KCNH2: variants seen among roughly 807,000 people sequenced by gnomAD.
The protein encoded by KCNH2 is voltage-gated inwardly rectifying potassium channel KCNH2.
Under a neutral mutation model 95.9 loss-of-function variants are expected in KCNH2, and 35 were observed. That is an observed-to-expected ratio of 0.37 (90% confidence interval 0.28 to 0.48). The LOEUF (loss-of-function observed/expected upper bound fraction) is 0.48. Ranked by LOEUF, KCNH2 falls within the 20% of genes least tolerant of loss-of-function variation. The probability of loss-of-function intolerance (pLI) is 0.99; values close to 1 mark genes in which losing one functional copy is unlikely to be tolerated. For missense variants in KCNH2, 1,274 were observed against 1,702.9 expected (o/e 0.75, Z 4.43); for synonymous variants, 786 against 754.7 (o/e 1.04, Z -0.68).
chr7:150,974,594 C>T (rs936681300), intron 2 of KCNH2, 117 bp downstream of exon 2: 5 of 875,658 alleles, frequency 5.7e-6, no homozygotes, highest in African/African-American at 1.7e-5. Flanking sequence ...TGCCCGGGCT[C>T]GGGGCGTTCT....
intron 2 of KCNH2, among the ~76,000 whole-genome samples, chr7:150,960,160 C>T (rs1214740923): frequency 1.3e-5 from 2 of 152,094 alleles, no homozygotes; most frequent in African/African-American, 4.8e-5. Flanking sequence ...TTTAGGCCTA[C>T]GATCTCTGGG....
At chr7:150,948,314 G>C (rs1800994602) in intron 11 of KCNH2, 130 bp downstream of exon 11, 1 of 759,456 alleles carries the variant, frequency 1.3e-6, no homozygotes. Context: ...CTGGGGTGTG[G>C]AGTGGGCACA....
intron 2 of KCNH2, among the ~76,000 whole-genome samples, chr7:150,969,506 T>C (rs1801785255): frequency 6.6e-6 from 1 of 152,040 alleles, no homozygotes; most frequent in Non-Finnish European, 1.5e-5. Flanking sequence ...CCCCACAATG[T>C]CCACGCAAAG....
At chr7:150,967,227 C>T (rs991714743) in intron 2 of KCNH2, among the ~76,000 whole-genome samples, 4 of 151,960 alleles carry the variant, frequency 2.6e-5, no homozygotes, top group African/African-American at 4.8e-5. Flanking sequence ...TGCAGTGAGC[C>T]GAGATCATGC....
chr7:150,948,033 C>G (rs1800985347), intron 11 of KCNH2, among the ~76,000 whole-genome samples, 155 bp from the exon 12 acceptor site: 2 of 152,212 alleles, frequency 1.3e-5, no homozygotes, highest in Non-Finnish European at 2.9e-5. Context: ...CACCCACTGT[C>G]AAGCCGACCA....
chr7:150,947,216 G>A lies in KCNH2; in HGVS notation c.3152+112C>T, dbSNP rs1303184785. The A allele has an allele frequency of 2.6e-6, 3 of 1,151,184 alleles. No individual in the cohort carries two copies. In the African/African-American group the frequency reaches 4.6e-5, roughly 18 times the overall value. 71.3% of individuals were successfully genotyped at this position (1,151,184 alleles called of 1,614,324 possible). A position where few individuals can be genotyped will look rare whatever the true frequency, so the allele number is the denominator to read the frequency against. Reference sequence around the variant, plus strand: ...CCAGCTGGGCTAGGAATGGAAGAAGGGGATCCAGCTGCTGCACACACAGAC... The same window carrying A: ...CCAGCTGGGCTAGGAATGGAAGAAGAGGATCCAGCTGCTGCACACACAGAC... On this transcript the variant is annotated intron_variant, in intron 13 of 14. Coordinates refer to ENST00000262186, the MANE Select transcript of KCNH2 (RefSeq NM_000238.4).
chr7:150,949,116 T>C (rs1801037520), intron 9 of KCNH2, 67 bp from the exon 10 acceptor site: 3 of 1,427,792 alleles, frequency 2.1e-6, no homozygotes, highest in Non-Finnish European at 2.9e-6. Context: ...AGGCACCTTC[T>C]CCCGGCATCC....
At chr7:150,955,546 G>A (rs1159257332) in intron 5 of KCNH2, 2 of 1,518,098 alleles carry the variant, frequency 1.3e-6, no homozygotes, top group South Asian at 1.2e-5. Flanking sequence ...TGGGGCCTGA[G>A]GGCCCGGCCA....
chr7:150,949,028 T>TC lies in KCNH2; in HGVS notation c.2419dup (p.Glu807GlyfsTer23). On this transcript the variant is annotated frameshift_variant, in exon 10 of 15. Transcript: ENST00000262186. LOFTEE classifies it high-confidence loss of function. Reference sequence around the variant, plus strand: ...AGGCCTTGCATACAGGTTCAGAGGCTCCCCAAAGATGTCATTCTTCCCTGG... The same window carrying TC: ...AGGCCTTGCATACAGGTTCAGAGGCTCCCCCAAAGATGTCATTCTTCCCTGG... The TC allele has an allele frequency of 6.2e-7, 1 of 1,614,072 alleles. No individual in the cohort carries two copies. Among genetic ancestry groups the TC allele is most frequent in the Non-Finnish European group, 8.5e-7 (1 of 1,179,996 alleles).
chr7:150,977,950 A>G lies in KCNH2; in HGVS notation c.-37T>C. The G allele has an allele frequency of 7.2e-6, 10 of 1,388,574 alleles. No individual in the cohort carries two copies. The South Asian group carries it at 1.3e-4, about 18-fold the overall frequency. 86.0% of individuals were successfully genotyped at this position (1,388,574 alleles called of 1,614,324 possible). Reference sequence around the variant, plus strand: ...GGGCGGGCCGGGCGGGCCCCCACCCACCCCGGCCCGGCCCGGCCCAGCACT... The same window carrying G: ...GGGCGGGCCGGGCGGGCCCCCACCCGCCCCGGCCCGGCCCGGCCCAGCACT... On this transcript the variant is annotated 5_prime_UTR_variant, in exon 1 of 15. Coordinates refer to ENST00000262186, the MANE Select transcript of KCNH2 (RefSeq NM_000238.4).
At position 150,958,202 on chromosome 7, in the gene KCNH2, G is replaced by T; in HGVS notation, c.773C>A (p.Pro258His). Reference protein sequence around the residue: ...LPSPRAHSLNPDASGSSCSLA... With the variant: ...LPSPRAHSLNHDASGSSCSLA... ...GCTGCAGCTGGAGCCCGAGGCGTCGGGGTTGAGGCTGTGCGCCCGGGGCGA... is the reference window on the plus strand; with the variant it reads ...GCTGCAGCTGGAGCCCGAGGCGTCGTGGTTGAGGCTGTGCGCCCGGGGCGA... Residue 258 changes from proline (P) to histidine (H), a missense_variant, in exon 4 of 15, where the codon CCC becomes CAC. Pro to His is a moderately conservative substitution (Grantham distance 77, BLOSUM62 -2). Coordinates refer to ENST00000262186, the MANE Select transcript of KCNH2 (RefSeq NM_000238.4). The T allele has an allele frequency of 7.3e-7, 1 of 1,369,260 alleles. No individual in the cohort carries two copies. The allele number at this position is 1,369,260 out of a possible 1,614,324, so 84.8% of individuals were successfully genotyped here.
In KCNH2 at chr7:150,957,389, T is replaced by C; in HGVS notation, c.1030A>G (p.Lys344Glu). The change falls in exon 5 of 15, where the codon AAG becomes GAG. Residue 344 changes from lysine (K) to glutamate (E), a missense_variant. This residue lies in a region of KCNH2 where 392 missense variants were observed against 429.9 expected (regional missense o/e 0.91). Transcript: ENST00000262186. Reference sequence around the variant, plus strand: ...GGCGAAGCCAAGAAGGGGTCGCCCTTGAGGTCCACAAAGTTGAGGGTGATT... The same window carrying C: ...GGCGAAGCCAAGAAGGGGTCGCCCTCGAGGTCCACAAAGTTGAGGGTGATT... ...PQITLNFVDL[K>E]GDPFLASPTS... 6.2e-7 allele frequency: 1 copy of C among 1,614,088 alleles called. No individual in the cohort carries two copies.
chr7:150,974,658 C>T, intron 2 of KCNH2, 53 bp downstream of exon 2: 2 of 1,354,626 alleles, frequency 1.5e-6, no homozygotes. Flanking sequence ...CGCCGTGGTC[C>T]CGCCCCTCTT....
At chr7:150,971,093 T>C (rs1338009590) in intron 2 of KCNH2, among the ~76,000 whole-genome samples, 4 of 151,980 alleles carry the variant, frequency 2.6e-5, no homozygotes, top group Non-Finnish European at 4.4e-5. Flanking sequence ...TTTAAAGGAA[T>C]GGGCACAGGA....
At chr7:150,953,606 C>T (rs1801266339) in intron 5 of KCNH2, among the ~76,000 whole-genome samples, 1 of 152,212 alleles carries the variant, frequency 6.6e-6, no homozygotes, top group South Asian at 2.1e-4. Context: ...CACACTCTGC[C>T]TCCTCCACAG....
At chr7:150,949,090 G>A in intron 9 of KCNH2, 41 bp from the exon 10 acceptor site, 7 of 1,573,006 alleles carry the variant, frequency 4.5e-6, no homozygotes, top group Non-Finnish European at 6.1e-6. Context: ...GCCCCGGGGG[G>A]CGGCATCCAG....
At chr7:150,976,730 A>ACTCC (rs762652126) in intron 1 of KCNH2, among the ~76,000 whole-genome samples, 1 of 132,388 alleles carries the variant, frequency 7.6e-6, no homozygotes, top group Admixed American at 7.5e-5. Flanking sequence ...AGAATCCAGC[A>ACTCC]CCCCCCCCCA....
At chr7:150,970,354 CA>C (rs982929912) in intron 2 of KCNH2, among the ~76,000 whole-genome samples, 7 of 151,956 alleles carry the variant, frequency 4.6e-5, no homozygotes, top group Admixed American at 6.6e-5. Flanking sequence ...CCATCTCAGA[CA>C]GCTCTTCGCA....
At chr7:150,970,285 C>T (rs1187604401) in intron 2 of KCNH2, among the ~76,000 whole-genome samples, 6 of 151,204 alleles carry the variant, frequency 4.0e-5, no homozygotes, top group Non-Finnish European at 8.9e-5. Context: ...CCAAGCTGGC[C>T]CTTCTGCTGC....
Sources: gnomAD v4.1 joint callset for allele counts (sites outside exome capture counted in the v4.1 genomes callset) on GRCh38, gnomAD v4.1.1 for gene constraint, gnomAD v4.1.1 regional missense constraint, MANE v1.5 for transcripts, NCBI Gene and HGNC (gene_info 2026-07-23, HGNC 2026-07-21) for gene names.